The following SPTBN1 variants were observed in gnomAD, a reference collection of about 807,000 sequenced individuals.
The protein encoded by SPTBN1 is spectrin beta chain, non-erythrocytic 1.
A neutral mutation model predicts 266.4 loss-of-function variants in SPTBN1; 32 were observed. That is an observed-to-expected ratio of 0.12 (90% CI 0.09 to 0.16). The LOEUF (loss-of-function observed/expected upper bound fraction) is 0.16. SPTBN1 is among the 10% of genes least tolerant of loss of function. The pLI, the probability that SPTBN1 is intolerant of heterozygous loss-of-function variation, is 1.00. For missense variants in SPTBN1, 2,296 were observed against 3,067.1 expected (o/e 0.75, Z 5.94); for synonymous variants, 1,336 against 1,162.2 (o/e 1.15, Z -3.04).
intron 2 of SPTBN1, 98 bp downstream of exon 2, chr2:54,526,664 A>C (rs1670836949): frequency 2.1e-6 from 3 of 1,395,976 alleles, no homozygotes; most frequent in Non-Finnish European, 2.8e-6. Context: ...TCATGTTCGA[A>C]GGTTGTCTCA....
At chr2:54,460,894 C>T (rs1310160786) in intron 1 of SPTBN1, among the ~76,000 whole-genome samples, 2 of 152,042 alleles carry the variant, frequency 1.3e-5, no homozygotes, top group South Asian at 4.2e-4. Flanking sequence ...CCCAGCTACT[C>T]GGGAGGCTGA....
At position 54,668,380 on chromosome 2, in the gene SPTBN1, C is replaced by G. The variant is rs1211486270; in HGVS notation, c.6906C>G (p.Ile2302Met). The G allele has an allele frequency of 2.5e-6, 4 of 1,614,078 alleles. No homozygotes were observed. The East Asian group carries it at 8.9e-5, about 36-fold the overall frequency. ...AAATGAACACATGGATCCAGGCTAT[C>G]TCTTCCGCCATCTCCTCTGATAAAC... is the stretch of plus-strand genomic sequence containing the variant. ...DEEMNTWIQA[I>M]SSAISSDKHE... The change falls in exon 36 of 36, where the codon ATC (isoleucine) becomes ATG (methionine). Residue 2302 changes from isoleucine to methionine, a missense_variant. Ile to Met is a conservative substitution (Grantham distance 10). Around this residue, in one of 12 missense-constraint regions of SPTBN1, gnomAD observed 347 missense variants for 368.5 expected, o/e 0.94. Coordinates refer to ENST00000356805, the MANE Select transcript of SPTBN1 (RefSeq NM_003128.3).
At chr2:54,594,575 G>T (rs971752477) in intron 2 of SPTBN1, among the ~76,000 whole-genome samples, 1 of 152,122 alleles carries the variant, frequency 6.6e-6, no homozygotes, top group Admixed American at 6.5e-5. Flanking sequence ...ACGGAAGGAC[G>T]ACTGTGCCTG....
In SPTBN1 at chr2:54,644,356, A is replaced by G. The variant is rs1325378356; in HGVS notation, c.4039A>G (p.Thr1347Ala). 4.3e-6 allele frequency: 7 copies of G among 1,613,078 alleles called. No homozygotes were observed. Among genetic ancestry groups the G allele is most frequent in the Non-Finnish European group, 8.5e-7 (1 of 1,179,128 alleles). The part of the protein sequence containing the change: ...GMQLISEKPE[T>A]EAVVKEKLTG... ...GCAGCTCATTTCAGAAAAGCCTGAGACGGAAGCTGTGGTGAAGGAGAAACT... is the reference window on the plus strand; with the variant it reads ...GCAGCTCATTTCAGAAAAGCCTGAGGCGGAAGCTGTGGTGAAGGAGAAACT... The change falls in exon 20 of 36, where the codon ACG becomes GCG. Residue 1347 changes from threonine (T) to alanine (A), a missense_variant. By Grantham distance (58) the Thr-to-Ala change is moderately conservative. This residue lies in a region of SPTBN1 where 386 missense variants were observed against 486.1 expected (regional missense o/e 0.79). Transcript: ENST00000356805.
intron 27 of SPTBN1, among the ~76,000 whole-genome samples, chr2:54,654,244 C>A (rs1680500561): frequency 6.6e-6 from 1 of 152,258 alleles, no homozygotes; most frequent in Non-Finnish European, 1.5e-5. Context: ...TTTTTCTGTG[C>A]CTGCTTTTTG....
At chr2:54,620,549 T>C (rs1448948026) in intron 7 of SPTBN1, among the ~76,000 whole-genome samples, 1 of 152,150 alleles carries the variant, frequency 6.6e-6, no homozygotes, top group East Asian at 1.9e-4. Context: ...CTTAGGAGGC[T>C]GAGGTGAGAG....
rs777281738 is a variant in SPTBN1 at position 54,664,464 on chromosome 2, G to A, written c.6432G>A (p.Thr2144=). 8.1e-6 allele frequency: 13 copies of A among 1,611,304 alleles called. No individual in the cohort carries two copies. Among genetic ancestry groups the A allele is most frequent in the East Asian group, 2.2e-5 (1 of 44,806 alleles). The change falls in exon 33 of 36, where the codon ACG becomes ACA. Residue 2144 remains threonine, a synonymous_variant. Transcript: ENST00000356805. The surrounding 1 kb of genome is among the most constrained non-coding windows in gnomAD (Gnocchi z 5.6). ...TCCGCTGTCCCTAGATGGCAGAAACGGTGGACACAAGCGAAATGGTCAACG... is the reference window on the plus strand; with the variant it reads ...TCCGCTGTCCCTAGATGGCAGAAACAGTGGACACAAGCGAAATGGTCAACG... ...AEQGSPRMAE[T]VDTSEMVNGA... is the part of the protein sequence containing the mutation.
At chr2:54,667,285 C>T (rs1266703181) in intron 34 of SPTBN1, among the ~76,000 whole-genome samples, 3 of 152,200 alleles carry the variant, frequency 2.0e-5, no homozygotes, top group African/African-American at 7.2e-5. Context: ...CAGTTTAGAC[C>T]AGTAAGTGAT....
Position 54,664,233 on chromosome 2 carries a change from C to T in SPTBN1, c.6421-220C>T, listed in dbSNP as rs1681230404. ...TGCAGTAAAACTCATACTGGCATTT[C>T]GCTTTTCTCATTTCCCTGTAAATGG... On this transcript the variant is annotated intron_variant, in intron 32 of 35. Transcript: ENST00000356805. The surrounding 1 kb of genome is among the most constrained non-coding windows in gnomAD (Gnocchi z 5.6). The T allele has an allele frequency of 3.7e-6, 2 of 538,406 alleles. No homozygotes were observed. Among genetic ancestry groups the T allele is most frequent in the Non-Finnish European group, 3.3e-6 (1 of 303,258 alleles). 33.4% of individuals were successfully genotyped at this position (538,406 alleles called of 1,614,324 possible). A position where few individuals can be genotyped will look rare whatever the true frequency, so the allele number is the denominator to read the frequency against.
At chr2:54,476,178 G>C (rs1427327942) in intron 1 of SPTBN1, among the ~76,000 whole-genome samples, 1 of 152,086 alleles carries the variant, frequency 6.6e-6, no homozygotes, top group Non-Finnish European at 1.5e-5. Flanking sequence ...CATGGTGGCA[G>C]GGTGCTCTGT....
At chr2:54,610,289 C>T (rs552926751) in intron 3 of SPTBN1, among the ~76,000 whole-genome samples, 2 of 152,324 alleles carry the variant, frequency 1.3e-5, no homozygotes, top group East Asian at 3.9e-4. Flanking sequence ...CATTCTCCAG[C>T]CTTAGATCCT....
In SPTBN1 at chr2:54,621,339, G is replaced by T. The variant is rs190707799; in HGVS notation, c.764-61G>T. 624 of 1,305,422 alleles carry T rather than the reference G, an allele frequency of 4.8e-4. 3 individuals carry two copies. In the African/African-American group the frequency reaches 8.3e-3, roughly 17 times the overall value. 80.9% of individuals were successfully genotyped at this position (1,305,422 alleles called of 1,614,324 possible). ...ACCAGCAGTCGTTGCATTTGTTCCTGCTACCTGGGTGGGGCACAGTAGCAT... is the reference window on the plus strand; with the variant it reads ...ACCAGCAGTCGTTGCATTTGTTCCTTCTACCTGGGTGGGGCACAGTAGCAT... On this transcript the variant is annotated intron_variant, in intron 7 of 35. Transcript: ENST00000356805.
At chr2:54,638,153 A>C (rs1220923123) in intron 18 of SPTBN1, among the ~76,000 whole-genome samples, 1 of 152,268 alleles carries the variant, frequency 6.6e-6, no homozygotes, top group Non-Finnish European at 1.5e-5. Flanking sequence ...GCTGTATTTT[A>C]AGTGCTCAGT....
chr2:54,591,904 G>A (rs1164159890), intron 2 of SPTBN1, among the ~76,000 whole-genome samples: 1 of 152,122 alleles, frequency 6.6e-6, no homozygotes, highest in East Asian at 1.9e-4. Flanking sequence ...GGGTGCAGTG[G>A]CCCACACCTG....
At chr2:54,550,740 C>T (rs560136545) in intron 2 of SPTBN1, among the ~76,000 whole-genome samples, 1 of 152,216 alleles carries the variant, frequency 6.6e-6, no homozygotes, top group Non-Finnish European at 1.5e-5. Context: ...TTACATATTA[C>T]ACCCTTGTGT....
At position 54,664,824 on chromosome 2, in the gene SPTBN1, A is replaced by G. The variant is rs544491057; in HGVS notation, c.6659+133A>G. ...CCTTTGGTAGCTTCCTGGACATTGCATTCTTCTTGGGCTGACGCTGGAAAG... is the reference window on the plus strand; with the variant it reads ...CCTTTGGTAGCTTCCTGGACATTGCGTTCTTCTTGGGCTGACGCTGGAAAG... On this transcript the variant is annotated intron_variant, in intron 33 of 35. Coordinates refer to ENST00000356805, the MANE Select transcript of SPTBN1 (RefSeq NM_003128.3). The surrounding 1 kb of genome is among the most constrained non-coding windows in gnomAD (Gnocchi z 5.6). 5 of 904,050 alleles carry G rather than the reference A, an allele frequency of 5.5e-6. No homozygotes were observed. The highest frequency in any genetic ancestry group is 1.7e-5 in the African/African-American group (1 of 59,796). The allele number at this position is 904,050 out of a possible 1,614,324, so 56.0% of individuals were successfully genotyped here.
At chr2:54,500,655 C>T (rs1409974435) in intron 1 of SPTBN1, among the ~76,000 whole-genome samples, 3 of 152,142 alleles carry the variant, frequency 2.0e-5, no homozygotes, top group Non-Finnish European at 4.4e-5. Flanking sequence ...AAGGGATCCA[C>T]CCACCTCAGC....
intron 1 of SPTBN1, among the ~76,000 whole-genome samples, chr2:54,485,182 C>CTCCCTCTCCCTCCGTCTCCCTT (rs1668293151): frequency 6.7e-6 from 1 of 149,894 alleles, no homozygotes; most frequent in East Asian, 2.0e-4. Flanking sequence ...CCGTCTCCCT[C>CTCCCTCTCCCTCCGTCTCCCTT]TCCGTCTCCC....
intron 1 of SPTBN1, among the ~76,000 whole-genome samples, chr2:54,473,335 G>A (rs757604399): frequency 1.3e-5 from 2 of 152,154 alleles, no homozygotes; most frequent in Admixed American, 6.5e-5. Context: ...TGGAAAATGC[G>A]TGTGTGGGCA....
Sources: gnomAD v4.1 joint callset for allele counts (sites outside exome capture counted in the v4.1 genomes callset) on GRCh38, gnomAD v4.1.1 for gene constraint, gnomAD v4.1.1 regional missense constraint, Gnocchi (gnomAD v3.1) non-coding constraint, MANE v1.5 for transcripts, NCBI Gene and HGNC (gene_info 2026-07-23, HGNC 2026-07-21) for gene names.